Variants in BAIAP2L1 observed in about 807,000 individuals in gnomAD.
The protein encoded by BAIAP2L1 is BAR/IMD domain-containing adapter protein 2-like 1.
Under a neutral mutation model 66.3 loss-of-function variants are expected in BAIAP2L1, and 35 were observed. That is an observed-to-expected ratio of 0.53 (90% CI 0.40 to 0.70). The LOEUF (loss-of-function observed/expected upper bound fraction) is 0.70, where lower values mean the gene tolerates loss of function less well. Ranked by LOEUF, BAIAP2L1 falls within the 30% of genes least tolerant of loss-of-function variation. The pLI is 0.00. For missense variants in BAIAP2L1, 622 were observed against 656.9 expected, an observed-to-expected ratio of 0.95 and a Z score of 0.58; for synonymous variants, 269 against 248.7, an observed-to-expected ratio of 1.08 and a Z score of -0.77.
chr7:98,322,425 A>G lies in BAIAP2L1; in HGVS notation c.215-2127T>C, dbSNP rs192150441. Among the ~76,000 whole-genome samples the G allele has an allele frequency of 1.9e-4, 29 of 152,120 alleles. No homozygotes were observed. In the East Asian group the frequency reaches 4.7e-3, roughly 24 times the overall value. On this transcript the variant is annotated intron_variant, in intron 3 of 13. Coordinates refer to ENST00000005260, the MANE Select transcript of BAIAP2L1 (RefSeq NM_018842.5). ...TGGCTGCCCTGCATTCTCTAATTCC[A>G]GCTCTCAGCTGCCAGCCAGCCAAGG...
At chr7:98,330,348 T>G (rs1801465230) in intron 3 of BAIAP2L1, among the ~76,000 whole-genome samples, 2 of 152,206 alleles carry the variant, frequency 1.3e-5, no homozygotes, top group Non-Finnish European at 2.9e-5. Context: ...CACCCGAGAC[T>G]GGGTAATTCA....
intron 1 of BAIAP2L1, among the ~76,000 whole-genome samples, chr7:98,364,597 T>G (rs1329786044): frequency 6.6e-6 from 1 of 151,844 alleles, no homozygotes; most frequent in Non-Finnish European, 1.5e-5. Flanking sequence ...TAAATCTGAG[T>G]CCCCGTGTGT....
chr7:98,327,833 C>T (rs746661610), intron 3 of BAIAP2L1, among the ~76,000 whole-genome samples: 21 of 152,246 alleles, frequency 1.4e-4, no homozygotes, highest in Non-Finnish European at 2.5e-4. Flanking sequence ...CCACCTCCGG[C>T]GGTTAATCCA....
intron 12 of BAIAP2L1, 61 bp from the exon 13 acceptor site, chr7:98,294,172 A>G: frequency 6.4e-7 from 1 of 1,556,764 alleles, no homozygotes; most frequent in Non-Finnish European, 8.8e-7. Context: ...AAATTATTTT[A>G]GGTAGAGATG....
intron 1 of BAIAP2L1, among the ~76,000 whole-genome samples, chr7:98,382,246 T>C (rs142194588): frequency 9.1e-4 from 139 of 152,030 alleles, no homozygotes; most frequent in Middle Eastern, 3.4e-3. Context: ...AATTGTTAAT[T>C]TGAAAAAAGA....
chr7:98,332,638 T>C (rs559146567), intron 3 of BAIAP2L1, among the ~76,000 whole-genome samples: 3 of 150,700 alleles, frequency 2.0e-5, no homozygotes, highest in African/African-American at 7.3e-5. Flanking sequence ...TGAAACCCCA[T>C]CCCTACTAAA....
chr7:98,393,575 G>A (rs990842919), intron 1 of BAIAP2L1, among the ~76,000 whole-genome samples: 12 of 151,560 alleles, frequency 7.9e-5, no homozygotes, highest in Non-Finnish European at 1.6e-4. Context: ...TCAGCTCACT[G>A]CAAGCTCCGC....
Position 98,362,294 on chromosome 7 carries a change from T to C in BAIAP2L1, c.127+63A>G, listed in dbSNP as rs1347165523. On this transcript the variant is annotated intron_variant, in intron 2 of 13. Transcript: ENST00000005260. ...ATTTAAAAATTCAATACTAAGCATT[T>C]AAAAATAATTACATATTTACTGAGT... The C allele has an allele frequency of 3.1e-6, 4 of 1,294,932 alleles. No individual in the cohort carries two copies. In the African/African-American group the frequency reaches 6.0e-5, roughly 19 times the overall value. The allele number at this position is 1,294,932 out of a possible 1,614,324, so 80.2% of individuals were successfully genotyped here. A position where few individuals can be genotyped will look rare whatever the true frequency, so the allele number is the denominator to read the frequency against.
At chr7:98,386,935 G>A (rs1172018739) in intron 1 of BAIAP2L1, among the ~76,000 whole-genome samples, 6 of 151,976 alleles carry the variant, frequency 3.9e-5, no homozygotes, top group Non-Finnish European at 7.4e-5. Context: ...TCTTGACTTC[G>A]TGATCTGCCC....
chr7:98,399,783 A>G (rs1803308230), intron 1 of BAIAP2L1, among the ~76,000 whole-genome samples: 1 of 152,212 alleles, frequency 6.6e-6, no homozygotes, highest in Non-Finnish European at 1.5e-5. Context: ...ATTCTCTCCT[A>G]ATACATGCAA....
chr7:98,353,437 TAA>T (rs929341188), intron 3 of BAIAP2L1, among the ~76,000 whole-genome samples: 5 of 137,148 alleles, frequency 3.6e-5, no homozygotes, highest in African/African-American at 1.4e-4. Flanking sequence ...ATATTATATA[TAA>T]ATATATATAC....
intron 1 of BAIAP2L1, among the ~76,000 whole-genome samples, chr7:98,370,463 T>C (rs967891986): frequency 1.3e-5 from 2 of 152,078 alleles, no homozygotes; most frequent in Non-Finnish European, 1.5e-5. Flanking sequence ...TACTTCTTTA[T>C]TACTGTACGT....
chr7:98,363,908 A>C (rs563985356), intron 1 of BAIAP2L1, among the ~76,000 whole-genome samples: 2 of 152,354 alleles, frequency 1.3e-5, no homozygotes, highest in African/African-American at 4.8e-5. Flanking sequence ...AACTGTGATA[A>C]CAATGAAAAA....
intron 13 of BAIAP2L1, 123 bp downstream of exon 13, chr7:98,293,951 C>A: frequency 8.7e-7 from 1 of 1,154,980 alleles, no homozygotes; most frequent in Non-Finnish European, 1.3e-6. Context: ...TCCCCCATGG[C>A]TCCACAGGCC....
At chr7:98,326,400 C>G (rs968032886) in intron 3 of BAIAP2L1, among the ~76,000 whole-genome samples, 1 of 152,184 alleles carries the variant, frequency 6.6e-6, no homozygotes. Context: ...TAAATAACAA[C>G]GGCACCACAT....
chr7:98,365,645 A>AT (rs1189342182), intron 1 of BAIAP2L1, among the ~76,000 whole-genome samples: 1 of 151,818 alleles, frequency 6.6e-6, no homozygotes, highest in Non-Finnish European at 1.5e-5. Context: ...CGCCTGGCTA[A>AT]TTTTTTGTAT....
intron 3 of BAIAP2L1, among the ~76,000 whole-genome samples, chr7:98,332,594 C>A (rs560261971): frequency 6.6e-6 from 1 of 150,468 alleles, no homozygotes; most frequent in Admixed American, 6.7e-5. Flanking sequence ...CGAATCACAA[C>A]GTCAGGAGTT....
At chr7:98,331,075 C>A (rs1801484104) in intron 3 of BAIAP2L1, among the ~76,000 whole-genome samples, 1 of 152,200 alleles carries the variant, frequency 6.6e-6, no homozygotes, top group Admixed American at 6.5e-5. Context: ...ATCAAAAACA[C>A]TGAAATGAAG....
At chr7:98,367,534 C>CTT (rs1380227043) in intron 1 of BAIAP2L1, among the ~76,000 whole-genome samples, 2,675 of 114,462 alleles carry the variant, frequency 0.023, 131 homozygotes, top group East Asian at 0.051. Context: ...CCACACCTGG[C>CTT]TTTTTTTTTT....
Sources: allele counts gnomAD v4.1 joint callset (sites outside exome capture counted in the v4.1 genomes callset), GRCh38; gene constraint gnomAD v4.1.1; transcripts MANE v1.5; gene names NCBI Gene and HGNC (gene_info 2026-07-23, HGNC 2026-07-21).